Variants in CNTNAP2 observed in about 807,000 individuals in gnomAD.
The protein encoded by CNTNAP2 is contactin associated protein 2, also known as contactin-associated protein-like 2.
In CNTNAP2, 98 loss-of-function variants were observed where a neutral mutation model predicts 155.2. The ratio of observed to expected loss-of-function variants is 0.63; its 90% CI spans 0.54 to 0.75. The LOEUF is 0.75. CNTNAP2 is among the 30% of genes least tolerant of loss of function. The pLI is 0.00. For synonymous variants in CNTNAP2, 651 were observed against 631.2 expected (o/e 1.03, Z -0.47); for missense variants, 1,727 against 1,688.1 (o/e 1.02, Z -0.40).
chr7:146,458,601 T>G (rs1431273277), intron 1 of CNTNAP2, among the ~76,000 whole-genome samples: 1 of 152,224 alleles, frequency 6.6e-6, no homozygotes, highest in African/African-American at 2.4e-5. Context: ...CAAATATCTA[T>G]GTAAAACCTG....
intron 1 of CNTNAP2, among the ~76,000 whole-genome samples, chr7:146,388,426 T>G (rs1311188230): frequency 1.3e-5 from 2 of 152,000 alleles, no homozygotes; most frequent in Non-Finnish European, 2.9e-5. Flanking sequence ...CAGAGTGAGA[T>G]TCTATCTTTA....
rs183703441 is a variant in CNTNAP2 at position 146,895,908 on chromosome 7, A to G, written c.402+56004A>G. ...CTATTCATATGTACTAAGATTTACT[A>G]AAGTATCTTTCTGTGGAGGATTATT... On this transcript the variant is annotated intron_variant, in intron 3 of 23. Coordinates refer to ENST00000361727, the MANE Select transcript of CNTNAP2 (RefSeq NM_014141.6). Among the ~76,000 whole-genome samples the G allele has an allele frequency of 8.3e-4, 126 of 152,204 alleles. 1 individual carries two copies. The highest frequency in any genetic ancestry group is 2.7e-3 in the Admixed American group (41 of 15,260).
intron 1 of CNTNAP2, among the ~76,000 whole-genome samples, chr7:146,249,610 T>A (rs992162590): frequency 6.6e-6 from 1 of 152,208 alleles, no homozygotes; most frequent in African/African-American, 2.4e-5. Flanking sequence ...GAATATTATT[T>A]TCTTTATTTC....
At chr7:146,970,346 A>G (rs1344193051) in intron 3 of CNTNAP2, among the ~76,000 whole-genome samples, 2 of 151,896 alleles carry the variant, frequency 1.3e-5, no homozygotes, top group African/African-American at 4.8e-5. Context: ...TCTACAATGA[A>G]CTCAAACAAA....
At position 146,608,244 on chromosome 7, in the gene CNTNAP2, T is replaced by A. The variant is rs1286824511; in HGVS notation, c.98-166027T>A. The stretch of plus-strand genomic sequence containing the variant: ...ATATTCGTGCAAATATATTGTTCCT[T>A]TTTCCAGGTTTAAAACTCTTTAAGG... On this transcript the variant is annotated intron_variant, in intron 1 of 23. Transcript: ENST00000361727. Among the ~76,000 whole-genome samples, 3 of 152,320 alleles carry A rather than the reference T, an allele frequency of 2.0e-5. No individual in the cohort carries two copies. In the East Asian group the frequency reaches 5.8e-4, roughly 29 times the overall value.
chr7:147,292,294 C>T (rs1484895489), intron 8 of CNTNAP2, among the ~76,000 whole-genome samples: 1 of 152,104 alleles, frequency 6.6e-6, no homozygotes, highest in Admixed American at 6.6e-5. Flanking sequence ...AGACACTTTT[C>T]ATTCACCATT....
intron 1 of CNTNAP2, among the ~76,000 whole-genome samples, chr7:146,254,129 GCACACA>G (rs3050025): frequency 0.044 from 6,340 of 144,798 alleles, 184 homozygotes; most frequent in Admixed American, 0.094. Context: ...ATTGCTACTT[GCACACA>G]CACACACACA....
intron 13 of CNTNAP2, among the ~76,000 whole-genome samples, chr7:147,652,634 T>C (rs568656969): frequency 3.9e-5 from 6 of 152,124 alleles, no homozygotes; most frequent in Admixed American, 3.3e-4. Flanking sequence ...GTAAATACCG[T>C]GCTGAGAGTC....
chr7:146,165,587 C>T lies in CNTNAP2; in HGVS notation c.97+48614C>T, dbSNP rs1030194779. ...TTGACTGAATAATTGAAATCTTTTT[C>T]AGTAATGTTTAAATTGCACTATGGC... On this transcript the variant is annotated intron_variant, in intron 1 of 23. Transcript: ENST00000361727. Among the ~76,000 whole-genome samples, 6 of 152,218 alleles carry T rather than the reference C, an allele frequency of 3.9e-5. No individual in the cohort carries two copies. In the South Asian group the frequency reaches 1.2e-3, roughly 32 times the overall value.
rs537801637 is a variant in CNTNAP2, at chr7:146,624,229, A to C, written c.98-150042A>C. 6.6e-5 allele frequency among the ~76,000 whole-genome samples: 10 copies of C among 152,110 alleles called. No homozygotes were observed. In the South Asian group the frequency reaches 1.2e-3, roughly 19 times the overall value. On this transcript the variant is annotated intron_variant, in intron 1 of 23. Transcript: ENST00000361727. ...CATGCTTTGTCTGTTAATTCTTTTAAGTGTCTTTTGAAGAGCAAATATTTT... is the reference window on the plus strand; with the variant it reads ...CATGCTTTGTCTGTTAATTCTTTTACGTGTCTTTTGAAGAGCAAATATTTT...
Position 148,118,793 on chromosome 7 carries a change from C to T in CNTNAP2, c.2554+505C>T, listed in dbSNP as rs139253891. On this transcript the variant is annotated intron_variant, in intron 16 of 23. Coordinates refer to ENST00000361727, the MANE Select transcript of CNTNAP2 (RefSeq NM_014141.6). ...GTCTGCAGGATTCCTACAGAGGACC[C>T]ACACCTGCCCACCCTCTGCAAGTGA... Among the ~76,000 whole-genome samples, 336 of 152,266 alleles carry T rather than the reference C, an allele frequency of 2.2e-3. 2 individuals are homozygous for T. The highest frequency in any genetic ancestry group is 7.9e-3 in the African/African-American group (327 of 41,552).
intron 1 of CNTNAP2, among the ~76,000 whole-genome samples, chr7:146,440,998 T>G (rs1406472467): frequency 1.3e-5 from 2 of 151,510 alleles, no homozygotes; most frequent in African/African-American, 4.9e-5. Flanking sequence ...ATCAAGATGT[T>G]ACATTGACAA....
intron 1 of CNTNAP2, among the ~76,000 whole-genome samples, chr7:146,659,987 G>A (rs566521616): frequency 2.0e-5 from 3 of 152,286 alleles, no homozygotes; most frequent in South Asian, 4.1e-4. Flanking sequence ...TATCCCATTG[G>A]CAAACTCCAT....
intron 1 of CNTNAP2, among the ~76,000 whole-genome samples, chr7:146,312,483 C>T (rs1800841577): frequency 6.6e-6 from 1 of 152,106 alleles, no homozygotes; most frequent in Non-Finnish European, 1.5e-5. Flanking sequence ...TATATCTGTA[C>T]AATGTGACAT....
chr7:148,400,022 CA>C (rs1338396214), intron 22 of CNTNAP2, among the ~76,000 whole-genome samples: 79 of 152,296 alleles, frequency 5.2e-4, no homozygotes, highest in African/African-American at 1.5e-3. Context: ...CCAACTCAGG[CA>C]GAAGCAGCAT....
At chr7:147,195,754 C>T (rs1483362428) in intron 8 of CNTNAP2, among the ~76,000 whole-genome samples, 4 of 152,000 alleles carry the variant, frequency 2.6e-5, no homozygotes, top group African/African-American at 4.8e-5. Context: ...GGTTTTTGCA[C>T]ATTGATTTTG....
At chr7:147,058,876 A>G (rs753043114) in intron 4 of CNTNAP2, among the ~76,000 whole-genome samples, 26 of 152,208 alleles carry the variant, frequency 1.7e-4, no homozygotes, top group Non-Finnish European at 3.2e-4. Flanking sequence ...AAGTGCTGGG[A>G]TTACAGGCAT....
intron 12 of CNTNAP2, among the ~76,000 whole-genome samples, chr7:147,607,365 A>T (rs146084829): frequency 1.6e-4 from 24 of 152,054 alleles, no homozygotes; most frequent in African/African-American, 5.3e-4. Flanking sequence ...GTGAGGCCCA[A>T]CATTTCCTTC....
At chr7:146,927,738 C>T (rs1187717283) in intron 3 of CNTNAP2, among the ~76,000 whole-genome samples, 4 of 151,788 alleles carry the variant, frequency 2.6e-5, no homozygotes, top group Non-Finnish European at 5.9e-5. Context: ...TCACCAGTCT[C>T]TGGAAGCAAT....
Sources: allele counts gnomAD v4.1 joint callset (sites outside exome capture counted in the v4.1 genomes callset), GRCh38; gene constraint gnomAD v4.1.1; transcripts MANE v1.5; gene names NCBI Gene and HGNC (gene_info 2026-07-23, HGNC 2026-07-21).